BBS9: variants seen among roughly 807,000 people sequenced by gnomAD.
BBS9 encodes the protein protein PTHB1.
In BBS9, 89 loss-of-function variants were observed where a neutral mutation model predicts 117.7. The ratio of observed to expected loss-of-function variants is 0.76; its 90% confidence interval spans 0.64 to 0.90. The LOEUF (loss-of-function observed/expected upper bound fraction) is 0.90, where lower values mean the gene tolerates loss of function less well. Ranked by LOEUF, BBS9 falls within the 40% of genes least tolerant of loss-of-function variation. The probability of loss-of-function intolerance (pLI) is 0.00; values close to 1 mark genes in which losing one functional copy is unlikely to be tolerated. For missense variants in BBS9, 982 were observed against 1,042.2 expected (o/e 0.94, Z 0.80); for synonymous variants, 379 against 370.9 (o/e 1.02, Z -0.25).
intron 21 of BBS9, among the ~76,000 whole-genome samples, chr7:33,614,181 G>A (rs1865020569): frequency 6.6e-6 from 1 of 152,016 alleles, no homozygotes; most frequent in African/African-American, 2.4e-5. Flanking sequence ...TCAGTGAAAT[G>A]GTTATTCTTT....
At chr7:33,177,817 C>T (rs1173761522) in intron 5 of BBS9, 6 of 502,162 alleles carry the variant, frequency 1.2e-5, no homozygotes, top group African/African-American at 1.9e-5. Context: ...CTGGTTAGTA[C>T]TTGGATAGGA....
chr7:33,177,493 T>G lies in BBS9; in HGVS notation c.344T>G (p.Val115Gly), dbSNP rs756343574. The G allele has an allele frequency of 2.0e-5, 32 of 1,611,476 alleles. No homozygotes were observed. The highest frequency in any genetic ancestry group is 2.0e-5 in the Non-Finnish European group (23 of 1,178,668). ...TTTTCCTTAGGAACCTTGGGTAATGTGGAACATGGGAACCAATGTCAGATG... is the reference window on the plus strand; with the variant it reads ...TTTTCCTTAGGAACCTTGGGTAATGGGGAACATGGGAACCAATGTCAGATG... ...VYSVSGTLGN[V>G]EHGNQCQMKL... The change falls in exon 5 of 23, where the codon GTG becomes GGG. Residue 115 changes from valine (V) to glycine (G), a missense_variant. By Grantham distance (109) the Val-to-Gly change is moderately radical. Transcript: ENST00000242067.
chr7:33,451,078 C>T lies in BBS9; in HGVS notation c.2116-54385C>T, dbSNP rs557118947. ...TAATTTTTTGTATTTTTAGTAGAGA[C>T]GGGGTTTCATCATGTTAGCCAGGAT... On this transcript the variant is annotated intron_variant, in intron 19 of 22. Transcript: ENST00000242067. Among the ~76,000 whole-genome samples the T allele has an allele frequency of 8.6e-5, 13 of 151,930 alleles. No individual in the cohort carries two copies. The South Asian group carries it at 2.3e-3, about 27-fold the overall frequency.
chr7:33,194,116 G>T (rs1320911606), intron 5 of BBS9, among the ~76,000 whole-genome samples: 1 of 152,078 alleles, frequency 6.6e-6, no homozygotes, highest in Non-Finnish European at 1.5e-5. Flanking sequence ...ATACCAAAAT[G>T]ATAAAACCTG....
chr7:33,443,063 A>G (rs1029089037), intron 19 of BBS9, among the ~76,000 whole-genome samples: 2 of 152,184 alleles, frequency 1.3e-5, no homozygotes, highest in Non-Finnish European at 2.9e-5. Context: ...ATATGGCTAA[A>G]TGGGTAGATC....
rs568840864 is a variant in BBS9, at chr7:33,430,310, A to C, written c.2115+42166A>C. On this transcript the variant is annotated intron_variant, in intron 19 of 22. Coordinates refer to ENST00000242067, the MANE Select transcript of BBS9 (RefSeq NM_198428.3). ...TCAGTCAACAAAAAGAAGATCCCAG[A>C]CTTCATAGGACTTAGGTTCTACTAA... is the stretch of plus-strand genomic sequence containing the variant. Among the ~76,000 whole-genome samples, 3 of 152,308 alleles carry C rather than the reference A, an allele frequency of 2.0e-5. No homozygotes were observed. The South Asian group carries it at 6.2e-4, about 32-fold the overall frequency.
intron 19 of BBS9, among the ~76,000 whole-genome samples, chr7:33,462,405 T>C (rs73103575): frequency 0.039 from 5,967 of 152,170 alleles, 168 homozygotes; most frequent in Non-Finnish European, 0.065. Flanking sequence ...AGACGTGGCA[T>C]TGGAAGATGG....
intron 6 of BBS9, among the ~76,000 whole-genome samples, chr7:33,262,085 A>C (rs1226551569): frequency 6.6e-6 from 1 of 152,194 alleles, no homozygotes; most frequent in Non-Finnish European, 1.5e-5. Context: ...CATAAAATAG[A>C]TGCTCTTGTA....
intron 21 of BBS9, among the ~76,000 whole-genome samples, chr7:33,564,409 C>T (rs1020516): frequency 0.13 from 19,340 of 152,122 alleles, 1,703 homozygotes; most frequent in East Asian, 0.37. Context: ...CTATCACTTA[C>T]GTTGCCATGT....
rs10236253 is a variant in BBS9 at position 33,435,636 on chromosome 7, A to T, written c.2115+47492A>T. Among the ~76,000 whole-genome samples, 727 of 152,306 alleles carry T rather than the reference A, an allele frequency of 4.8e-3. 6 individuals are homozygous for T. The highest frequency in any genetic ancestry group is 8.8e-3 in the Non-Finnish European group (597 of 68,018). On this transcript the variant is annotated intron_variant, in intron 19 of 22. Transcript: ENST00000242067. ...TACTGAATTAAATACCAAGCATAGT[A>T]TGTGGGTTGGCAATATCCTGTGTTT...
intron 17 of BBS9, among the ~76,000 whole-genome samples, chr7:33,376,248 T>A (rs535920133): frequency 3.9e-5 from 6 of 152,248 alleles, no homozygotes; most frequent in African/African-American, 1.4e-4. Flanking sequence ...GTGTTCTCAT[T>A]ATTTAGCTCC....
chr7:33,273,016 A>T lies in BBS9; in HGVS notation c.707A>T (p.Asp236Val). Residue 236 changes from aspartate (D) to valine (V), a missense_variant, in exon 8 of 23, where the codon GAT (aspartate) becomes GTT (valine). Coordinates refer to ENST00000242067, the MANE Select transcript of BBS9 (RefSeq NM_198428.3). ...ATATTGAGTTTTGCTTTGTAGGTGG[A>T]TTGGACTCTAAATATTGGAGAGCAA... ...KLGSGKRLVV[D>V]WTLNIGEQAL... 1 of 1,613,632 alleles carries T rather than the reference A, an allele frequency of 6.2e-7. No homozygotes were observed. Among genetic ancestry groups the T allele is most frequent in the African/African-American group, 1.3e-5 (1 of 75,008 alleles).
intron 1 of BBS9, among the ~76,000 whole-genome samples, chr7:33,130,735 TAA>T (rs150570189): frequency 6.7e-6 from 1 of 148,858 alleles, no homozygotes; most frequent in African/African-American, 2.5e-5. Flanking sequence ...ACGGAAGAAT[TAA>T]AAAAAAAACT....
chr7:33,380,327 G>T, intron 17 of BBS9: 1 of 160,684 alleles, frequency 6.2e-6, no homozygotes, highest in South Asian at 1.8e-4. Flanking sequence ...GCCAACCTAA[G>T]AGCACCAGCA....
intron 21 of BBS9, among the ~76,000 whole-genome samples, chr7:33,564,923 A>G (rs58433508): frequency 0.15 from 22,654 of 152,168 alleles, 1,870 homozygotes; most frequent in African/African-American, 0.22. Context: ...GTAGAACTGC[A>G]GTGTAGATAT....
chr7:33,167,429 G>A (rs1336128081), intron 4 of BBS9, among the ~76,000 whole-genome samples: 1 of 146,240 alleles, frequency 6.8e-6, no homozygotes, highest in Non-Finnish European at 1.5e-5. Flanking sequence ...TTGAAATGGA[G>A]TCTAGCTCTG....
chr7:33,248,973 T>A (rs557537602), intron 5 of BBS9, among the ~76,000 whole-genome samples: 1 of 152,312 alleles, frequency 6.6e-6, no homozygotes, highest in East Asian at 1.9e-4. Context: ...TTCACTTGTA[T>A]TTTTACTCAA....
At chr7:33,139,583 T>C (rs1173383687) in intron 1 of BBS9, among the ~76,000 whole-genome samples, 2 of 151,252 alleles carry the variant, frequency 1.3e-5, no homozygotes, top group Admixed American at 1.3e-4. Context: ...ATTTTGACTT[T>C]TTAAAAATGT....
chr7:33,488,886 G>C (rs576233505), intron 19 of BBS9, among the ~76,000 whole-genome samples: 1 of 151,870 alleles, frequency 6.6e-6, no homozygotes, highest in East Asian at 1.9e-4. Context: ...TCATATGAGG[G>C]AATAGAGTTT....
Sources: allele counts gnomAD v4.1 joint callset (sites outside exome capture counted in the v4.1 genomes callset), GRCh38; gene constraint gnomAD v4.1.1; transcripts MANE v1.5; gene names NCBI Gene and HGNC (gene_info 2026-07-23, HGNC 2026-07-21).